WDR17: variants seen among roughly 807,000 people sequenced by gnomAD.
WDR17 encodes the protein WD repeat-containing protein 17.
In WDR17, 143 loss-of-function variants were observed where a neutral mutation model predicts 161.7. The ratio of observed to expected loss-of-function variants is 0.88; its 90% CI spans 0.77 to 1.02. The LOEUF (loss-of-function observed/expected upper bound fraction) is 1.02, where lower values mean the gene tolerates loss of function less well. WDR17 is among the 50% of genes least tolerant of loss of function. WDR17 has a pLI of 0.00. For synonymous variants in WDR17, 517 were observed against 515.6 expected (o/e 1.00, Z -0.04); for missense variants, 1,469 against 1,520.9 (o/e 0.97, Z 0.57).
chr4:176,154,711 C>A (rs181981977), intron 17 of WDR17, among the ~76,000 whole-genome samples: 1 of 151,944 alleles, frequency 6.6e-6, no homozygotes, highest in Non-Finnish European at 1.5e-5. Context: ...ATTTTAAATA[C>A]GTAGTATTAA....
At chr4:176,143,962 A>G (rs554071907) in intron 11 of WDR17, among the ~76,000 whole-genome samples, 1 of 151,744 alleles carries the variant, frequency 6.6e-6, no homozygotes, top group South Asian at 2.1e-4. Context: ...AGCAAGCACT[A>G]CAAGAAGGTC....
intron 3 of WDR17, among the ~76,000 whole-genome samples, chr4:176,118,480 TC>T (rs1741000472): frequency 6.6e-6 from 1 of 152,116 alleles, no homozygotes; most frequent in Non-Finnish European, 1.5e-5. Flanking sequence ...ATTTATGGAG[TC>T]CTCATTATGG....
In WDR17 at chr4:176,162,093, T is replaced by A. The variant is rs1398761178; in HGVS notation, c.2769T>A (p.Ser923Arg). The part of the protein sequence containing the change: ...EDFNELLHKV[S>R]KELAEWYFQD... Reference sequence around the variant, plus strand: ...TTTCTAGACTCCTGCACAAAGTCAGTAAAGAACTGGCAGAATGGTATTTTC... The same window carrying A: ...TTTCTAGACTCCTGCACAAAGTCAGAAAAGAACTGGCAGAATGGTATTTTC... The change falls in exon 21 of 29, where the codon AGT (serine) becomes AGA (arginine). Residue 923 changes from serine (S) to arginine (R), a missense_variant. By Grantham distance (110) the Ser-to-Arg change is moderately radical. Coordinates refer to ENST00000508596, the MANE Select transcript of WDR17 (RefSeq NM_181265.4). 1 of 1,612,694 alleles carries A rather than the reference T, an allele frequency of 6.2e-7. No individual in the cohort carries two copies. Among genetic ancestry groups the A allele is most frequent in the Non-Finnish European group, 8.5e-7 (1 of 1,179,304 alleles).
chr4:176,176,927 G>A (rs1201132769), intron 26 of WDR17, 131 bp from the exon 27 acceptor site: 1 of 610,872 alleles, frequency 1.6e-6, no homozygotes, highest in Non-Finnish European at 2.9e-6. Context: ...TATTCTATAT[G>A]TATATTATAT....
At chr4:176,110,369 G>A (rs371743247) in intron 1 of WDR17, among the ~76,000 whole-genome samples, 22 of 151,978 alleles carry the variant, frequency 1.4e-4, no homozygotes, top group East Asian at 7.7e-4. Context: ...GTCGTGATCC[G>A]CCCTCTTCGG....
chr4:176,133,187 T>TTTA lies in WDR17; in HGVS notation c.1098+1451_1098+1452insATT, dbSNP rs1468678208. ...AAAAAAACAATTTTTTATTTTTATT[T>TTTA]TTTTTTTTTTACCACTTCACTATTT... On this transcript the variant is annotated intron_variant, in intron 7 of 28. Transcript: ENST00000508596. Among the ~76,000 whole-genome samples the TTTA allele has an allele frequency of 4.7e-4, 69 of 146,256 alleles. 1 individual carries two copies. The highest frequency in any genetic ancestry group is 1.6e-3 in the African/African-American group (66 of 40,230).
At chr4:176,129,250 C>T (rs1268791116) in intron 6 of WDR17, among the ~76,000 whole-genome samples, 3 of 151,806 alleles carry the variant, frequency 2.0e-5, no homozygotes, top group Admixed American at 6.6e-5. Context: ...CAGTTTACAA[C>T]GAAGTTAAAA....
chr4:176,094,075 T>C (rs1022529575), intron 1 of WDR17, among the ~76,000 whole-genome samples: 5 of 152,158 alleles, frequency 3.3e-5, no homozygotes, highest in Non-Finnish European at 7.4e-5. Flanking sequence ...CAAAGTACTT[T>C]TACTAATTCA....
intron 11 of WDR17, among the ~76,000 whole-genome samples, chr4:176,142,937 T>C (rs1334533817): frequency 2.0e-5 from 3 of 152,178 alleles, no homozygotes; most frequent in African/African-American, 7.2e-5. Flanking sequence ...TAGAGTGCAA[T>C]GGCATGATCT....
intron 1 of WDR17, among the ~76,000 whole-genome samples, chr4:176,089,222 G>T (rs909067016): frequency 1.5e-5 from 2 of 135,528 alleles, no homozygotes; most frequent in Admixed American, 7.1e-5. Context: ...TAAAATAAAC[G>T]TACTCCCTCA....
intron 1 of WDR17, among the ~76,000 whole-genome samples, chr4:176,074,090 A>G (rs1339064121): frequency 6.6e-6 from 1 of 151,700 alleles, no homozygotes; most frequent in Non-Finnish European, 1.5e-5. Context: ...TGCTGTGCAG[A>G]AGCTCTTGAG....
At chr4:176,113,760 G>A (rs1371627894) in intron 2 of WDR17, among the ~76,000 whole-genome samples, 8 of 151,756 alleles carry the variant, frequency 5.3e-5, no homozygotes, top group East Asian at 1.9e-4. Context: ...TCTGATAATC[G>A]GTCACACTCT....
intron 17 of WDR17, 129 bp from the exon 18 acceptor site, chr4:176,155,950 A>C: frequency 1.3e-6 from 1 of 798,686 alleles, no homozygotes; most frequent in Non-Finnish European, 1.9e-6. Flanking sequence ...GAAAGTACCA[A>C]ATCAGGACTC....
chr4:176,130,815 A>G (rs1743322447), intron 6 of WDR17, among the ~76,000 whole-genome samples: 2 of 151,886 alleles, frequency 1.3e-5, no homozygotes, highest in Admixed American at 1.3e-4. Flanking sequence ...GATTGGTCTT[A>G]TAATTTACTG....
At chr4:176,171,823 C>G (rs866965789) in intron 23 of WDR17, among the ~76,000 whole-genome samples, 11 of 151,710 alleles carry the variant, frequency 7.3e-5, no homozygotes, top group African/African-American at 2.7e-4. Context: ...AATGAAATTT[C>G]ATGGATGAAA....
chr4:176,131,560 T>G lies in WDR17; in HGVS notation c.920T>G (p.Val307Gly). ...TTTTTTCTTCTATTTTTAGTTTCAG[T>G]CCAATCTCCAACCAAAAATCATTAT... ...LNSPPRKKFS[V>G]QSPTKNHYTS... Residue 307 changes from valine to glycine, a missense_variant, in exon 7 of 29, where the codon GTC (valine) becomes GGC (glycine). By Grantham distance (109) the Val-to-Gly change is moderately radical. Transcript: ENST00000508596. 6 of 1,605,738 alleles carry G rather than the reference T, an allele frequency of 3.7e-6. No individual in the cohort carries two copies. The highest frequency in any genetic ancestry group is 5.1e-6 in the Non-Finnish European group (6 of 1,176,510).
At chr4:176,126,251 G>A (rs781556648) in intron 5 of WDR17, among the ~76,000 whole-genome samples, 1 of 152,172 alleles carries the variant, frequency 6.6e-6, no homozygotes, top group African/African-American at 2.4e-5. Flanking sequence ...GAGAGAATTA[G>A]CAAAGCTAAG....
At chr4:176,111,855 G>T (rs1739812229) in intron 2 of WDR17, 152 bp downstream of exon 2, 2 of 724,768 alleles carry the variant, frequency 2.8e-6, no homozygotes, top group East Asian at 7.5e-5. Flanking sequence ...TACCGTATAG[G>T]TTTTAAAAGT....
At chr4:176,104,952 T>TA (rs900373595) in intron 1 of WDR17, among the ~76,000 whole-genome samples, 1 of 151,754 alleles carries the variant, frequency 6.6e-6, no homozygotes, top group African/African-American at 2.4e-5. Flanking sequence ...AGAATTAATT[T>TA]AAAAAAAGAT....
Sources: gnomAD v4.1 joint callset for allele counts (sites outside exome capture counted in the v4.1 genomes callset) on GRCh38, gnomAD v4.1.1 for gene constraint, MANE v1.5 for transcripts, NCBI Gene and HGNC (gene_info 2026-07-23, HGNC 2026-07-21) for gene names.